Variants in CSMD1 observed in about 807,000 individuals in gnomAD.
CSMD1 encodes CUB and sushi domain-containing protein 1.
CSMD1 carries 213 observed loss-of-function variants against 417.5 expected under a neutral mutation model. That is an observed-to-expected ratio of 0.51 (90% CI 0.46 to 0.57). The LOEUF is 0.57. Ranked by LOEUF, CSMD1 falls within the 20% of genes least tolerant of loss-of-function variation. CSMD1 has a pLI of 0.00. For synonymous variants in CSMD1, 2,862 were observed against 1,736.8 expected (o/e 1.65, Z -16.11); for missense variants, 6,923 against 4,529.7 (o/e 1.53, Z -15.17).
At chr8:3,167,295 A>AG (rs11430033) in intron 37 of CSMD1, among the ~76,000 whole-genome samples, 8,997 of 149,362 alleles carry the variant, frequency 0.06, 899 homozygotes, top group African/African-American at 0.22. Flanking sequence ...GAAAAAGAAA[A>AG]AAAAAAAAAA....
intron 7 of CSMD1, among the ~76,000 whole-genome samples, chr8:3,694,166 A>C (rs975873914): frequency 1.3e-5 from 2 of 151,954 alleles, no homozygotes; most frequent in Non-Finnish European, 2.9e-5. Flanking sequence ...AGGGGCTCAC[A>C]GATCTCACCA....
chr8:4,145,127 T>C (rs1371163471), intron 3 of CSMD1, among the ~76,000 whole-genome samples: 1 of 151,186 alleles, frequency 6.6e-6, no homozygotes, highest in Non-Finnish European at 1.5e-5. Context: ...ATGGCGCAGA[T>C]ATAATAGTTT....
In CSMD1 at chr8:4,735,208, T is replaced by C. The variant is rs569453478; in HGVS notation, c.86-97650A>G. Among the ~76,000 whole-genome samples the C allele has an allele frequency of 2.5e-4, 38 of 152,300 alleles. No individual in the cohort carries two copies. The South Asian group carries it at 7.9e-3, about 32-fold the overall frequency. ...CCCCCTTCTCTTTCAGAACCTTTAT[T>C]GCTAATACCAAATGCGAGAGGATAC... On this transcript the variant is annotated intron_variant, in intron 1 of 69. Coordinates refer to ENST00000635120, the MANE Select transcript of CSMD1 (RefSeq NM_033225.6).
At chr8:4,722,937 A>G (rs925606526) in intron 1 of CSMD1, among the ~76,000 whole-genome samples, 1 of 152,150 alleles carries the variant, frequency 6.6e-6, no homozygotes, top group Non-Finnish European at 1.5e-5. Context: ...ATCTTTTCAG[A>G]TCTAAGCTCG....
chr8:4,960,394 A>C (rs1202565207), intron 1 of CSMD1, among the ~76,000 whole-genome samples: 1 of 152,190 alleles, frequency 6.6e-6, no homozygotes, highest in Non-Finnish European at 1.5e-5. Context: ...GAGAGCTGGC[A>C]AGCTACCGAT....
intron 40 of CSMD1, among the ~76,000 whole-genome samples, chr8:3,146,385 T>C (rs2129033495): frequency 6.6e-6 from 1 of 151,918 alleles, no homozygotes; most frequent in Admixed American, 6.6e-5. Flanking sequence ...ATAAGTAAAC[T>C]AGAATTTGGT....
intron 49 of CSMD1, 37 bp downstream of exon 49, chr8:3,087,060 C>G (rs183507449): frequency 6.4e-7 from 1 of 1,565,558 alleles, no homozygotes; most frequent in Non-Finnish European, 8.8e-7. Context: ...GAGCAATACA[C>G]AGGAAACAAG....
chr8:3,950,045 G>A (rs148348053), intron 5 of CSMD1: 193 of 455,112 alleles, frequency 4.2e-4, no homozygotes, highest in African/African-American at 3.7e-3. Context: ...TTGCTGTCAC[G>A]CTACAGACAG....
At chr8:4,428,809 T>A (rs1563163492) in intron 2 of CSMD1, among the ~76,000 whole-genome samples, 1 of 152,094 alleles carries the variant, frequency 6.6e-6, no homozygotes, top group Non-Finnish European at 1.5e-5. Flanking sequence ...AACCTCCACC[T>A]CCCAGGTTGA....
intron 10 of CSMD1, among the ~76,000 whole-genome samples, chr8:3,565,605 T>C (rs1385099042): frequency 3.3e-5 from 5 of 152,226 alleles, no homozygotes; most frequent in East Asian, 1.9e-4. Flanking sequence ...AATTTGTTAA[T>C]TCAAGTTCTT....
intron 51 of CSMD1, among the ~76,000 whole-genome samples, chr8:3,025,074 G>A (rs1327532860): frequency 1.3e-5 from 2 of 151,198 alleles, no homozygotes; most frequent in African/African-American, 2.5e-5. Context: ...CTAAAACTGT[G>A]TATTGTGTGG....
Position 4,964,905 on chromosome 8 carries a change from G to C in CSMD1, c.85+29427C>G, listed in dbSNP as rs946537674. 2.6e-5 allele frequency among the ~76,000 whole-genome samples: 4 copies of C among 152,276 alleles called. No individual in the cohort carries two copies. The East Asian group carries it at 5.8e-4, about 22-fold the overall frequency. ...GTTCTGGAGCGGAGTTTGGGGAGCA[G>C]GATTTTCAGCACATCAGCCCTTGGT... is the stretch of plus-strand genomic sequence containing the variant. On this transcript the variant is annotated intron_variant, in intron 1 of 69. Transcript: ENST00000635120.
intron 3 of CSMD1, among the ~76,000 whole-genome samples, chr8:4,125,881 C>T (rs1340372268): frequency 6.6e-6 from 1 of 152,118 alleles, no homozygotes; most frequent in Non-Finnish European, 1.5e-5. Flanking sequence ...AAGTTTAGGA[C>T]TTACGGTTTA....
chr8:4,436,775 C>G (rs10098464), intron 2 of CSMD1, among the ~76,000 whole-genome samples: 8,259 of 152,174 alleles, frequency 0.054, 740 homozygotes, highest in African/African-American at 0.19. Flanking sequence ...TGTGATATTT[C>G]TCTTTCAGTG....
At chr8:4,018,818 C>T (rs1345312084) in intron 4 of CSMD1, among the ~76,000 whole-genome samples, 6 of 152,158 alleles carry the variant, frequency 3.9e-5, no homozygotes, top group South Asian at 2.1e-4. Context: ...CCACATACAG[C>T]GTGGGACCTT....
At chr8:4,780,151 C>A (rs1316965268) in intron 1 of CSMD1, among the ~76,000 whole-genome samples, 1 of 152,156 alleles carries the variant, frequency 6.6e-6, no homozygotes, top group African/African-American at 2.4e-5. Flanking sequence ...CCATAATTGG[C>A]CAGACCTTCA....
rs147124078 is a variant in CSMD1, at chr8:3,528,391, C to G, written c.1345-34665G>C. Among the ~76,000 whole-genome samples the G allele has an allele frequency of 7.8e-3, 1,181 of 152,240 alleles. 8 individuals are homozygous for G. The highest frequency in any genetic ancestry group is 0.017 in the African/African-American group (689 of 41,548). The stretch of plus-strand genomic sequence containing the variant: ...AATACAAATATCTAAGAGCACTTGT[C>G]TTAGCACTCGTGGGGGAAGGAGGAT... On this transcript the variant is annotated intron_variant, in intron 10 of 69. Transcript: ENST00000635120.
chr8:3,307,868 A>G (rs779518812), intron 24 of CSMD1, 47 bp from the exon 25 acceptor site: 2 of 1,588,582 alleles, frequency 1.3e-6, no homozygotes, highest in East Asian at 2.3e-5. Context: ...CAGGCATCAC[A>G]TGTTTCTATT....
intron 1 of CSMD1, among the ~76,000 whole-genome samples, chr8:4,854,262 T>C (rs568921352): frequency 3.9e-5 from 6 of 152,186 alleles, no homozygotes; most frequent in Non-Finnish European, 8.8e-5. Context: ...TGTTGAAATA[T>C]AATCCCCAGT....
Sources: allele counts gnomAD v4.1 joint callset (sites outside exome capture counted in the v4.1 genomes callset), GRCh38; gene constraint gnomAD v4.1.1; transcripts MANE v1.5; gene names NCBI Gene and HGNC (gene_info 2026-07-23, HGNC 2026-07-21).